Variants in RNF122 observed in about 807,000 individuals in gnomAD.
RNF122 encodes ring finger protein 122.
Under a neutral mutation model 24.2 loss-of-function variants are expected in RNF122, and 17 were observed. That is an observed-to-expected ratio of 0.70 (90% CI 0.48 to 1.06). The LOEUF is 1.06. RNF122 is among the 50% of genes least tolerant of loss of function. The pLI is 0.00. For synonymous variants in RNF122, 65 were observed against 71.8 expected, an observed-to-expected ratio of 0.91 and a Z score of 0.48; for missense variants, 168 against 198.1, an observed-to-expected ratio of 0.85 and a Z score of 0.91.
In RNF122 at chr8:33,567,100, G is replaced by A. The variant is rs1426369451; in HGVS notation, c.-377C>T. On this transcript the variant is annotated 5_prime_UTR_variant, in exon 1 of 6. Transcript: ENST00000256257. ...CTCGGATCGGGTTCAGCGGCGCAGA[G>A]GTGAGCTGGCTGGGGTTCCGAAACT... 3.3e-6 allele frequency: 1 copy of A among 304,840 alleles called. No individual in the cohort carries two copies. The highest frequency in any genetic ancestry group is 6.3e-6 in the Non-Finnish European group (1 of 158,698). 18.9% of individuals were successfully genotyped at this position (304,840 alleles called of 1,614,324 possible).
In RNF122 at chr8:33,550,682, T is replaced by C. The variant is rs1435184143; in HGVS notation, c.270+362A>G. Among the ~76,000 whole-genome samples, 6 of 152,250 alleles carry C rather than the reference T, an allele frequency of 3.9e-5. No homozygotes were observed. The East Asian group carries it at 9.7e-4, about 25-fold the overall frequency. On this transcript the variant is annotated intron_variant, in intron 4 of 5. Transcript: ENST00000256257. The stretch of plus-strand genomic sequence containing the variant: ...AAAAGTAAAAGGACCTCATTTCCTA[T>C]GATAACAACCAGGATGTAGGGGCTG...
intron 2 of RNF122, among the ~76,000 whole-genome samples, chr8:33,554,243 G>A (rs1810417711): frequency 6.6e-6 from 1 of 152,216 alleles, no homozygotes; most frequent in Non-Finnish European, 1.5e-5. Flanking sequence ...CACGTGCAGA[G>A]TAAATAAGGA....
chr8:33,552,409 AAAAAAGAAAAAG>A (rs148735595), intron 2 of RNF122, among the ~76,000 whole-genome samples: 3 of 152,240 alleles, frequency 2.0e-5, no homozygotes, highest in East Asian at 3.9e-4. Flanking sequence ...CATAAAAATA[AAAAAAGAAAAAG>A]AAAAAGAAAA....
At chr8:33,555,353 C>A (rs1810436365) in intron 2 of RNF122, among the ~76,000 whole-genome samples, 1 of 152,122 alleles carries the variant, frequency 6.6e-6, no homozygotes. Context: ...CAGGTGCCTG[C>A]CACAGCACCC....
chr8:33,558,875 A>G, intron 1 of RNF122, 104 bp from the exon 2 acceptor site: 1 of 830,060 alleles, frequency 1.2e-6, no homozygotes, highest in Non-Finnish European at 1.8e-6. Flanking sequence ...CTGGGCACCT[A>G]AGCCTCAGAT....
At chr8:33,550,815 A>T (rs566626884) in intron 4 of RNF122, among the ~76,000 whole-genome samples, 1 of 152,110 alleles carries the variant, frequency 6.6e-6, no homozygotes, top group Non-Finnish European at 1.5e-5. Flanking sequence ...GGCACTACTT[A>T]TCTAAACCCT....
At chr8:33,556,977 G>T (rs1585359446) in intron 2 of RNF122, among the ~76,000 whole-genome samples, 2 of 152,262 alleles carry the variant, frequency 1.3e-5, no homozygotes, top group East Asian at 3.9e-4. Flanking sequence ...TCTTGTAGCT[G>T]CCTTCTAGCA....
At chr8:33,559,319 T>TAA (rs11374981) in intron 1 of RNF122, among the ~76,000 whole-genome samples, 139 of 147,104 alleles carry the variant, frequency 9.4e-4, no homozygotes, top group South Asian at 6.5e-3. Context: ...TTTTAAAAAT[T>TAA]AAAAAAAAAA....
intron 1 of RNF122, among the ~76,000 whole-genome samples, chr8:33,563,765 A>G (rs1006781500): frequency 1.3e-5 from 2 of 152,176 alleles, no homozygotes; most frequent in Non-Finnish European, 2.9e-5. Flanking sequence ...AAGAGGGTCT[A>G]ACCCCCCGTT....
At position 33,551,408 on chromosome 8, in the gene RNF122, A is replaced by G; in HGVS notation, c.183-19T>C. ...CAGTTTGCTGGGAGAAAGAGAAAAA[A>G]ATTAGAGAAAGCAGGTTAAATGGAA... On this transcript the variant is annotated intron_variant, in intron 2 of 5. Transcript: ENST00000256257. 6.2e-7 allele frequency: 1 copy of G among 1,613,944 alleles called. No individual in the cohort carries two copies. Among genetic ancestry groups the G allele is most frequent in the Non-Finnish European group, 8.5e-7 (1 of 1,179,842 alleles).
chr8:33,558,536 C>T (rs749615889), intron 2 of RNF122, 79 bp downstream of exon 2: 70 of 1,266,508 alleles, frequency 5.5e-5, no homozygotes, highest in Admixed American at 1.0e-4. Flanking sequence ...GCTGTGGGAC[C>T]CTCGCTCAGC....
chr8:33,553,282 T>A (rs7007586), intron 2 of RNF122, among the ~76,000 whole-genome samples: 74,069 of 151,788 alleles, frequency 0.49, 18,574 homozygotes, highest in Non-Finnish European at 0.55. Context: ...TAAGAGTGGT[T>A]TTTATTCTTA....
In RNF122 at chr8:33,558,866, T is replaced by C. The variant is rs193131928; in HGVS notation, c.26-95A>G. 8 of 970,404 alleles carry C rather than the reference T, an allele frequency of 8.2e-6. No individual in the cohort carries two copies. In the East Asian group the frequency reaches 1.5e-4, roughly 19 times the overall value. 60.1% of individuals were successfully genotyped at this position (970,404 alleles called of 1,614,324 possible). A position where few individuals can be genotyped will look rare whatever the true frequency, so the allele number is the denominator to read the frequency against. On this transcript the variant is annotated intron_variant, in intron 1 of 5. Transcript: ENST00000256257. ...CAGGATAGAAATAACTGGCAGGCTC[T>C]GGGCACCTAAGCCTCAGATTCAGTG...
At chr8:33,559,058 C>G (rs1244933278) in intron 1 of RNF122, among the ~76,000 whole-genome samples, 2 of 152,070 alleles carry the variant, frequency 1.3e-5, no homozygotes, top group Non-Finnish European at 1.5e-5. Context: ...AATCCCAGTA[C>G]TTTGGAGAGG....
At chr8:33,549,792 A>G (rs924920725) in intron 4 of RNF122, among the ~76,000 whole-genome samples, 7 of 151,626 alleles carry the variant, frequency 4.6e-5, no homozygotes, top group Non-Finnish European at 7.4e-5. Flanking sequence ...GAACATTCCT[A>G]TTATCACAGA....
chr8:33,563,735 C>T (rs6468175), intron 1 of RNF122, among the ~76,000 whole-genome samples: 93,920 of 151,488 alleles, frequency 0.62, 30,241 homozygotes, highest in African/African-American at 0.81. Flanking sequence ...ACCTCCTTCC[C>T]CCGCACTATT....
chr8:33,550,181 C>T (rs916099544), intron 4 of RNF122, among the ~76,000 whole-genome samples: 3 of 152,198 alleles, frequency 2.0e-5, no homozygotes, highest in African/African-American at 7.2e-5. Context: ...GAGCCACCCA[C>T]CTCGGCCTCC....
At chr8:33,555,916 C>G (rs1810444701) in intron 2 of RNF122, among the ~76,000 whole-genome samples, 2 of 152,116 alleles carry the variant, frequency 1.3e-5, no homozygotes, top group Admixed American at 1.3e-4. Context: ...GCCTGTAATC[C>G]CAGCACTTTG....
In RNF122 at chr8:33,548,424, G is replaced by C. The variant is rs1387692523; in HGVS notation, c.*329C>G. 2 of 208,682 alleles carry C rather than the reference G, an allele frequency of 9.6e-6. No homozygotes were observed. The highest frequency in any genetic ancestry group is 4.5e-5 in the African/African-American group (2 of 44,094). The allele number at this position is 208,682 out of a possible 1,614,324, so 12.9% of individuals were successfully genotyped here. A position where few individuals can be genotyped will look rare whatever the true frequency, so the allele number is the denominator to read the frequency against. ...TCCTCCTAATGGGAGCCTTGAAAGA[G>C]GACTTTCTCCATGTTCTTGATCGGG... On this transcript the variant is annotated 3_prime_UTR_variant, in exon 6 of 6. Coordinates refer to ENST00000256257, the MANE Select transcript of RNF122 (RefSeq NM_024787.3).
Sources: gnomAD v4.1 joint callset for allele counts (sites outside exome capture counted in the v4.1 genomes callset) on GRCh38, gnomAD v4.1.1 for gene constraint, MANE v1.5 for transcripts, NCBI Gene and HGNC (gene_info 2026-07-23, HGNC 2026-07-21) for gene names.